AMMECR1: variants seen among roughly 807,000 people sequenced by gnomAD.
AMMECR1 encodes nuclear protein AMMECR1.
In AMMECR1, 3 loss-of-function variants were observed where a neutral mutation model predicts 22.5. The ratio of observed to expected loss-of-function variants is 0.13; its 90% CI spans 0.06 to 0.35. The LOEUF (loss-of-function observed/expected upper bound fraction) is 0.35, where lower values mean the gene tolerates loss of function less well. Among genes scored for constraint, AMMECR1 ranks in the 10% least tolerant of loss-of-function variants. The pLI is 1.00. For synonymous variants in AMMECR1, 130 were observed against 116.7 expected (o/e 1.11, Z -0.74); for missense variants, 235 against 278.7 (o/e 0.84, Z 1.12).
chrX:110,262,998 C>A (rs1384075442), intron 2 of AMMECR1, among the ~76,000 whole-genome samples: 1 of 110,829 alleles, frequency 9.0e-6, no homozygotes, highest in African/African-American at 3.3e-5. Flanking sequence ...CATTTTTTAA[C>A]CAGTGTTTCC....
intron 2 of AMMECR1, among the ~76,000 whole-genome samples, chrX:110,408,901 C>T (rs1053690193): frequency 3.6e-5 from 4 of 111,467 alleles, no homozygotes; most frequent in African/African-American, 9.8e-5. Flanking sequence ...TGAACTTATG[C>T]GTGTAGGTAG....
chrX:110,416,368 C>T (rs2068677688), intron 2 of AMMECR1, among the ~76,000 whole-genome samples: 2 of 112,057 alleles, frequency 1.8e-5, no homozygotes, highest in Admixed American at 9.4e-5. Flanking sequence ...TACCATGTCC[C>T]GGGCACATGG....
At chrX:110,405,734 A>G (rs909812002) in intron 2 of AMMECR1, among the ~76,000 whole-genome samples, 1 of 111,462 alleles carries the variant, frequency 9.0e-6, no homozygotes, top group African/African-American at 3.3e-5. Flanking sequence ...CTCAATTTCC[A>G]TAGGAGGAAA....
chrX:110,335,169 A>G (rs1329728755), intron 2 of AMMECR1, among the ~76,000 whole-genome samples: 1 of 111,616 alleles, frequency 9.0e-6, no homozygotes, highest in Non-Finnish European at 1.9e-5. Context: ...ATTCAATCAT[A>G]TAATGAATGT....
At chrX:110,303,043 C>G (rs1205762786) in intron 1 of AMMECR1, among the ~76,000 whole-genome samples, 1 of 111,364 alleles carries the variant, frequency 9.0e-6, no homozygotes, top group Non-Finnish European at 1.9e-5. Context: ...TGGACTGGTA[C>G]AAACTATTTA....
intron 2 of AMMECR1, among the ~76,000 whole-genome samples, chrX:110,228,018 G>A (rs2067543037): frequency 8.9e-6 from 1 of 111,928 alleles, no homozygotes; most frequent in Non-Finnish European, 1.9e-5. Flanking sequence ...CTTGATCTGT[G>A]TGCTTTTAAA....
chrX:110,210,566 TA>T (rs1281123295), intron 3 of AMMECR1, among the ~76,000 whole-genome samples: 1 of 111,770 alleles, frequency 8.9e-6, no homozygotes, highest in Non-Finnish European at 1.9e-5. Flanking sequence ...TAAGAGGAGC[TA>T]AAAAATGTAA....
rs1019780827 is a variant in AMMECR1, at chrX:110,198,548, G to A, written c.974C>T (p.Pro325Leu). 2.5e-6 allele frequency: 3 copies of A among 1,194,447 alleles called. No individual in the cohort carries two copies. The highest frequency in any genetic ancestry group is 3.5e-5 in the African/African-American group (2 of 56,552). Residue 325 changes from proline to leucine, a missense_variant, in exon 6 of 6, where the codon CCC becomes CTC. Pro to Leu is a moderately conservative substitution (Grantham distance 98). Coordinates refer to ENST00000262844, the MANE Select transcript of AMMECR1 (RefSeq NM_015365.3). ...GGAATAATGGTTGTATGGCGGAAGG[G>A]GATGCCCAATGCCATTTTGGAAATG... is the stretch of plus-strand genomic sequence containing the variant. ...HHHFQNGIGH[P>L]LPPYNHYS
intron 2 of AMMECR1, among the ~76,000 whole-genome samples, chrX:110,391,589 G>A (rs771577426): frequency 3.1e-4 from 35 of 112,011 alleles, no homozygotes; most frequent in African/African-American, 8.4e-4. Context: ...TGGCAGAACC[G>A]TTTTAGGAAT....
chrX:110,255,993 A>G (rs1256487739), intron 2 of AMMECR1, among the ~76,000 whole-genome samples: 2 of 112,606 alleles, frequency 1.8e-5, no homozygotes, highest in East Asian at 5.5e-4. Flanking sequence ...TTAGAGCTTC[A>G]TTCTCAAAAG....
At chrX:110,325,056 A>C (rs936896359) in intron 2 of AMMECR1, among the ~76,000 whole-genome samples, 1 of 111,648 alleles carries the variant, frequency 9.0e-6, no homozygotes, top group African/African-American at 3.3e-5. Context: ...GAGCTTGAGA[A>C]GGATTTGGTG....
At chrX:110,228,916 A>G (rs768797262) in intron 2 of AMMECR1, among the ~76,000 whole-genome samples, 55 of 112,470 alleles carry the variant, frequency 4.9e-4, no homozygotes, top group Non-Finnish European at 9.0e-4. Context: ...CATTTTTAAA[A>G]TAGAGTATTT....
At chrX:110,219,238 G>A (rs2067489076) in intron 2 of AMMECR1, 1 of 379,284 alleles carries the variant, frequency 2.6e-6, no homozygotes, top group African/African-American at 2.8e-5. Context: ...CACAATGGCT[G>A]CACGATTCTA....
intron 2 of AMMECR1, among the ~76,000 whole-genome samples, chrX:110,350,731 G>A (rs2068207996): frequency 9.0e-6 from 1 of 110,811 alleles, no homozygotes; most frequent in Admixed American, 9.6e-5. Flanking sequence ...CTTTGGGAGG[G>A]TGAGGTGGGA....
chrX:110,313,407 G>A (rs149687834), intron 1 of AMMECR1, among the ~76,000 whole-genome samples: 1 of 112,217 alleles, frequency 8.9e-6, no homozygotes, highest in African/African-American at 3.2e-5. Context: ...TTCAAGTAAC[G>A]TGACACGCAG....
intron 2 of AMMECR1, among the ~76,000 whole-genome samples, chrX:110,249,497 A>G (rs2067675835): frequency 8.9e-6 from 1 of 111,904 alleles, no homozygotes. Context: ...TGTTGGAAAT[A>G]TTAGATGAGG....
intron 2 of AMMECR1, among the ~76,000 whole-genome samples, chrX:110,333,002 C>A (rs1319862800): frequency 3.6e-5 from 4 of 111,943 alleles, no homozygotes; most frequent in African/African-American, 1.3e-4. Flanking sequence ...AGCCAAAACA[C>A]CCTGCTATCA....
intron 1 of AMMECR1, among the ~76,000 whole-genome samples, chrX:110,429,454 A>G (rs1210042536): frequency 1.0e-5 from 1 of 99,392 alleles, no homozygotes; most frequent in Non-Finnish European, 1.9e-5. Flanking sequence ...CTTAGAGAAA[A>G]AGTGTTTTTT....
chrX:110,393,834 G>T (rs2068511099), intron 2 of AMMECR1, among the ~76,000 whole-genome samples: 2 of 112,549 alleles, frequency 1.8e-5, no homozygotes, highest in African/African-American at 6.5e-5. Context: ...TGCCAGGATG[G>T]GCTCCGGCCA....
Sources: allele counts gnomAD v4.1 joint callset (sites outside exome capture counted in the v4.1 genomes callset), GRCh38; gene constraint gnomAD v4.1.1; transcripts MANE v1.5; gene names NCBI Gene and HGNC (gene_info 2026-07-23, HGNC 2026-07-21).